ADAMTS17: variants seen among roughly 807,000 people sequenced by gnomAD.
The protein encoded by ADAMTS17 is A disintegrin and metalloproteinase with thrombospondin motifs 17.
Under a neutral mutation model 141.5 loss-of-function variants are expected in ADAMTS17, and 113 were observed. That is an observed-to-expected ratio of 0.80 (90% CI 0.69 to 0.93). The LOEUF (loss-of-function observed/expected upper bound fraction) is 0.93. Ranked by LOEUF, ADAMTS17 falls within the 40% of genes least tolerant of loss-of-function variation. The probability of loss-of-function intolerance (pLI) is 0.00; values close to 1 mark genes in which losing one functional copy is unlikely to be tolerated. For missense variants in ADAMTS17, 1,659 were observed against 1,517.9 expected (o/e 1.09, Z -1.54); for synonymous variants, 768 against 630.6 (o/e 1.22, Z -3.27).
intron 8 of ADAMTS17, among the ~76,000 whole-genome samples, chr15:100,162,448 T>G (rs1355967140): frequency 7.7e-6 from 1 of 130,234 alleles, no homozygotes; most frequent in African/African-American, 3.0e-5. Flanking sequence ...ACACATATAG[T>G]TATATATATG....
rs142480678 is a variant in ADAMTS17, at chr15:100,005,495, A to G, written c.2592-7906T>C. ...TCCTTGGCTTGGGGCGTCTTCCTCC[A>G]TCCTCAAGACCAGCAGTGGTGGGGG... is the stretch of plus-strand genomic sequence containing the variant. On this transcript the variant is annotated intron_variant, in intron 18 of 21. Transcript: ENST00000268070. Among the ~76,000 whole-genome samples, 1,313 of 152,068 alleles carry G rather than the reference A, an allele frequency of 8.6e-3. 25 individuals carry two copies. Among genetic ancestry groups the G allele is most frequent in the African/African-American group, 0.03 (1,234 of 41,464 alleles).
intron 4 of ADAMTS17, among the ~76,000 whole-genome samples, chr15:100,276,987 G>A (rs1330786641): frequency 5.3e-5 from 8 of 152,090 alleles, no homozygotes; most frequent in Non-Finnish European, 1.2e-4. Flanking sequence ...GTGGTCCAGG[G>A]CTAGAGCGGC....
chr15:100,152,808 GTTTT>G, intron 9 of ADAMTS17, 46 bp from the exon 10 acceptor site: 1 of 1,595,020 alleles, frequency 6.3e-7, no homozygotes, highest in Non-Finnish European at 8.5e-7. Flanking sequence ...TACTGCCTAG[GTTTT>G]TTTGTTTTCT....
chr15:100,238,566 G>C (rs4302014), intron 7 of ADAMTS17, among the ~76,000 whole-genome samples: 73,813 of 152,118 alleles, frequency 0.49, 17,985 homozygotes, highest in South Asian at 0.52. Context: ...AAAACACAGG[G>C]TAAAAGCAAC....
chr15:100,315,648 C>T (rs1477315194), intron 3 of ADAMTS17, among the ~76,000 whole-genome samples: 1 of 152,008 alleles, frequency 6.6e-6, no homozygotes, highest in Non-Finnish European at 1.5e-5. Context: ...CCAGCCTAGG[C>T]AACACAATGA....
intron 18 of ADAMTS17, among the ~76,000 whole-genome samples, chr15:100,029,938 G>A (rs1217776914): frequency 5.9e-5 from 9 of 152,218 alleles, no homozygotes. Flanking sequence ...TGAATCAGAA[G>A]CTCTGGGAGT....
rs901479165 is a variant in ADAMTS17 at position 100,263,847 on chromosome 15, G to A, written c.790-1412C>T. Among the ~76,000 whole-genome samples the A allele has an allele frequency of 5.3e-5, 8 of 152,306 alleles. No individual in the cohort carries two copies. The South Asian group carries it at 6.2e-4, about 12-fold the overall frequency. ...TTTCTCCAGCAGGTGCTGTGTTCAC[G>A]CTATCAATACATCAGCATCAGCAGC... On this transcript the variant is annotated intron_variant, in intron 4 of 21. Coordinates refer to ENST00000268070, the MANE Select transcript of ADAMTS17 (RefSeq NM_139057.4).
chr15:100,291,108 A>G (rs2044610619), intron 3 of ADAMTS17, among the ~76,000 whole-genome samples: 1 of 152,236 alleles, frequency 6.6e-6, no homozygotes, highest in African/African-American at 2.4e-5. Context: ...TATGTATCTG[A>G]CACAGATCTA....
intron 20 of ADAMTS17, 99 bp downstream of exon 20, chr15:99,992,949 C>T (rs1439622023): frequency 6.8e-7 from 1 of 1,478,362 alleles, no homozygotes; most frequent in South Asian, 1.2e-5. Flanking sequence ...TACGCTGGGA[C>T]TGCCGCGTAG....
chr15:100,278,130 AG>A (rs1351579580), intron 4 of ADAMTS17, among the ~76,000 whole-genome samples: 2 of 152,060 alleles, frequency 1.3e-5, no homozygotes, highest in Admixed American at 1.3e-4. Context: ...GGAGGTTGGC[AG>A]GGGCTGGGGG....
chr15:100,005,927 C>T (rs1257154701), intron 18 of ADAMTS17, among the ~76,000 whole-genome samples: 3 of 152,020 alleles, frequency 2.0e-5, no homozygotes, highest in Non-Finnish European at 4.4e-5. Context: ...CCTTGGTGTT[C>T]CCTGGCATGC....
At chr15:100,231,969 C>G (rs981441421) in intron 7 of ADAMTS17, among the ~76,000 whole-genome samples, 1 of 152,178 alleles carries the variant, frequency 6.6e-6, no homozygotes, top group African/African-American at 2.4e-5. Context: ...CATCTAATTC[C>G]TGAACCTTCA....
chr15:100,044,286 TC>T (rs1286285070), intron 18 of ADAMTS17, among the ~76,000 whole-genome samples: 2 of 152,224 alleles, frequency 1.3e-5, no homozygotes, highest in African/African-American at 4.8e-5. Flanking sequence ...CTTCTGTGAC[TC>T]CAATTACCCT....
At chr15:100,115,644 C>A (rs182327692) in intron 13 of ADAMTS17, among the ~76,000 whole-genome samples, 1 of 152,350 alleles carries the variant, frequency 6.6e-6, no homozygotes, top group African/African-American at 2.4e-5. Context: ...CACCTTCACA[C>A]AGCTACGCAC....
intron 15 of ADAMTS17, among the ~76,000 whole-genome samples, chr15:100,082,007 T>A (rs915749769): frequency 6.6e-6 from 1 of 152,220 alleles, no homozygotes; most frequent in African/African-American, 2.4e-5. Context: ...TTACTAGACA[T>A]GTTGCAAAAA....
intron 12 of ADAMTS17, among the ~76,000 whole-genome samples, chr15:100,124,140 A>G (rs2037597228): frequency 6.6e-6 from 1 of 151,668 alleles, no homozygotes; most frequent in African/African-American, 2.4e-5. Context: ...ATTTTTTTGT[A>G]TTTTTAGTAG....
intron 7 of ADAMTS17, among the ~76,000 whole-genome samples, chr15:100,229,923 G>C (rs990529561): frequency 6.6e-6 from 1 of 152,204 alleles, no homozygotes; most frequent in African/African-American, 2.4e-5. Flanking sequence ...ACAGTCACCT[G>C]AGATGATCAG....
At chr15:99,998,532 G>A (rs1038576573) in intron 18 of ADAMTS17, among the ~76,000 whole-genome samples, 4 of 152,062 alleles carry the variant, frequency 2.6e-5, no homozygotes, top group African/African-American at 4.8e-5. Flanking sequence ...TGAACCCAGG[G>A]GGTGGAGGTT....
intron 18 of ADAMTS17, among the ~76,000 whole-genome samples, chr15:100,009,969 T>G (rs994666279): frequency 6.6e-6 from 1 of 152,210 alleles, no homozygotes; most frequent in African/African-American, 2.4e-5. Context: ...AATTCCCATG[T>G]GTCGTGGGAG....
Sources: allele counts gnomAD v4.1 joint callset (sites outside exome capture counted in the v4.1 genomes callset), GRCh38; gene constraint gnomAD v4.1.1; transcripts MANE v1.5; gene names NCBI Gene and HGNC (gene_info 2026-07-23, HGNC 2026-07-21).